The following TTC7A variants were observed in gnomAD, a reference collection of about 807,000 sequenced individuals.
TTC7A encodes the protein tetratricopeptide repeat protein 7A.
TTC7A carries 110 observed loss-of-function variants against 103.7 expected under a neutral mutation model. The observed-to-expected ratio is 1.06, with a 90% confidence interval of 0.91 to 1.24. The LOEUF (loss-of-function observed/expected upper bound fraction) is 1.24, where lower values mean the gene tolerates loss of function less well. TTC7A is among the 50% of genes most tolerant of loss of function. The pLI, the probability that TTC7A is intolerant of heterozygous loss-of-function variation, is 0.00. For missense variants in TTC7A, 1,340 were observed against 1,116.3 expected, an observed-to-expected ratio of 1.20 and a Z score of -2.86; for synonymous variants, 521 against 467.9, an observed-to-expected ratio of 1.11 and a Z score of -1.47.
chr2:46,992,748 C>T (rs1675760706), intron 5 of TTC7A, among the ~76,000 whole-genome samples: 1 of 152,210 alleles, frequency 6.6e-6, no homozygotes, highest in Non-Finnish European at 1.5e-5. Flanking sequence ...TAGTGGGCTG[C>T]AGCCAGCATG....
At chr2:47,073,285 G>C (rs1684929637) in intron 19 of TTC7A, among the ~76,000 whole-genome samples, 2 of 152,150 alleles carry the variant, frequency 1.3e-5, no homozygotes, top group African/African-American at 4.8e-5. Context: ...ACACTTCTCA[G>C]AGCTTTACAC....
chr2:47,036,675 A>G (rs886951575), intron 15 of TTC7A, among the ~76,000 whole-genome samples: 2 of 152,164 alleles, frequency 1.3e-5, no homozygotes, highest in Non-Finnish European at 2.9e-5. Flanking sequence ...CTGGTAACAT[A>G]GCAAGACCTC....
intron 2 of TTC7A, among the ~76,000 whole-genome samples, chr2:46,933,855 G>A (rs1367637663): frequency 6.6e-6 from 1 of 152,170 alleles, no homozygotes; most frequent in South Asian, 2.1e-4. Flanking sequence ...TCAGAGCACT[G>A]GTCAGAAATC....
At chr2:46,946,398 C>T (rs1670941664) in intron 1 of TTC7A, among the ~76,000 whole-genome samples, 1 of 152,058 alleles carries the variant, frequency 6.6e-6, no homozygotes, top group Admixed American at 6.6e-5. Flanking sequence ...AGCCTTTATC[C>T]ACCTGAATTC....
At chr2:46,972,901 A>G (rs968646416) in intron 3 of TTC7A, among the ~76,000 whole-genome samples, 1 of 152,204 alleles carries the variant, frequency 6.6e-6, no homozygotes, top group Non-Finnish European at 1.5e-5. Context: ...TGACCAAAAT[A>G]TAGTGTAGAA....
At position 47,007,919 on chromosome 2, in the gene TTC7A, CCCT is replaced by C. The variant is rs1448116845; in HGVS notation, c.1287+1198_1287+1200del. Among the ~76,000 whole-genome samples the C allele has an allele frequency of 6.6e-6, 1 of 152,240 alleles. No homozygotes were observed. Among genetic ancestry groups the C allele is most frequent in the Non-Finnish European group, 1.5e-5 (1 of 68,046 alleles). On this transcript the variant is annotated intron_variant, in intron 10 of 19. Coordinates refer to ENST00000319190, the MANE Select transcript of TTC7A (RefSeq NM_020458.4). This position sits in a 1 kb window ranked among gnomAD's most constrained non-coding sequence, Gnocchi z 4.9. Reference sequence around the variant, plus strand: ...TTCAGAACACAGGGCAAGGCCCTGGCCCTCCAAGGGTTAGAGAGTGAGAGAAAC... The same window carrying C: ...TTCAGAACACAGGGCAAGGCCCTGGCCCAAGGGTTAGAGAGTGAGAGAAAC...
At chr2:47,062,526 G>A (rs992701254) in intron 19 of TTC7A, among the ~76,000 whole-genome samples, 9 of 152,216 alleles carry the variant, frequency 5.9e-5, no homozygotes, top group Middle Eastern at 3.4e-3. Flanking sequence ...TAAATGCCTC[G>A]CCAGAGGTCA....
At chr2:47,018,575 C>T (rs1418379693) in intron 11 of TTC7A, among the ~76,000 whole-genome samples, 2 of 132,038 alleles carry the variant, frequency 1.5e-5, no homozygotes, top group African/African-American at 5.9e-5. Flanking sequence ...CAGAGTGAGA[C>T]TCCATCTCAA....
At chr2:47,016,249 C>T (rs1678644026) in intron 11 of TTC7A, among the ~76,000 whole-genome samples, 1 of 152,214 alleles carries the variant, frequency 6.6e-6, no homozygotes, top group Non-Finnish European at 1.5e-5. Context: ...ACATTATGTC[C>T]TTCAATGCAT....
chr2:47,032,352 G>A (rs1019048503), intron 15 of TTC7A, among the ~76,000 whole-genome samples: 1 of 152,218 alleles, frequency 6.6e-6, no homozygotes, highest in South Asian at 2.1e-4. Context: ...GAGTAACTGT[G>A]CCCCTGTCTC....
At chr2:46,968,885 C>T (rs1467479142) in intron 3 of TTC7A, among the ~76,000 whole-genome samples, 1 of 151,678 alleles carries the variant, frequency 6.6e-6, no homozygotes, top group South Asian at 2.1e-4. Context: ...TCCCCTTGGG[C>T]TCTTTTCTAA....
rs866895010 is a variant in TTC7A, at chr2:46,926,373, G to T, written c.82+9096G>T. Among the ~76,000 whole-genome samples, 3 of 152,342 alleles carry T rather than the reference G, an allele frequency of 2.0e-5. No individual in the cohort carries two copies. The South Asian group carries it at 6.2e-4, about 32-fold the overall frequency. On this transcript the variant is annotated intron_variant, in intron 2 of 20. Transcript: ENST00000409245. ...TCAAGATACAGTCTAGATGGGGAGA[G>T]AATGTAAAATAATATGGTAAATGGT...
At chr2:47,057,497 A>AGG (rs1683415272) in intron 18 of TTC7A, among the ~76,000 whole-genome samples, 1 of 152,166 alleles carries the variant, frequency 6.6e-6, no homozygotes, top group African/African-American at 2.4e-5. Context: ...ATACACTATG[A>AGG]GGGGTCCCCA....
At chr2:47,067,185 A>G (rs568506804) in intron 19 of TTC7A, among the ~76,000 whole-genome samples, 1 of 152,312 alleles carries the variant, frequency 6.6e-6, no homozygotes, top group Non-Finnish European at 1.5e-5. Flanking sequence ...ATTTTGGGGG[A>G]CACATTCAAT....
chr2:47,029,135 G>A (rs1680230939), intron 14 of TTC7A, 89 bp from the exon 15 acceptor site: 1 of 1,490,268 alleles, frequency 6.7e-7, no homozygotes, highest in South Asian at 1.2e-5. Flanking sequence ...TGAGTTGAGT[G>A]TGAGTGCCCT....
intron 8 of TTC7A, chr2:46,999,669 T>G: frequency 2.0e-6 from 2 of 985,444 alleles, no homozygotes; most frequent in Non-Finnish European, 2.4e-6. Context: ...TAAATTCTTG[T>G]TTTTGAAAGA....
chr2:46,926,295 G>A (rs1239612204), intron 2 of TTC7A, among the ~76,000 whole-genome samples: 1 of 152,202 alleles, frequency 6.6e-6, no homozygotes, highest in Non-Finnish European at 1.5e-5. Flanking sequence ...ATATGCCATT[G>A]CCCAGGTACT....
At chr2:46,974,749 G>A (rs1471308244) in intron 3 of TTC7A, 2 of 619,390 alleles carry the variant, frequency 3.2e-6, no homozygotes, top group Non-Finnish European at 5.9e-6. Flanking sequence ...TTGGGCTGGG[G>A]TGATGCACTG....
At chr2:47,000,752 C>A (rs1236662249) in intron 8 of TTC7A, among the ~76,000 whole-genome samples, 1 of 152,160 alleles carries the variant, frequency 6.6e-6, no homozygotes, top group African/African-American at 2.4e-5. Flanking sequence ...CAGCAACAGG[C>A]CCTGAGCCTT....
Sources: allele counts gnomAD v4.1 joint callset (sites outside exome capture counted in the v4.1 genomes callset), GRCh38; gene constraint gnomAD v4.1.1; non-coding constraint Gnocchi (gnomAD v3.1); transcripts MANE v1.5; gene names NCBI Gene and HGNC (gene_info 2026-07-23, HGNC 2026-07-21).